The following ACSBG1 variants were observed in gnomAD, a reference collection of about 807,000 sequenced individuals.
ACSBG1 encodes the protein acyl-CoA synthetase bubblegum family member 1.
Under a neutral mutation model 80.2 loss-of-function variants are expected in ACSBG1, and 39 were observed. That is an observed-to-expected ratio of 0.49 (90% CI 0.38 to 0.64). ACSBG1 has a LOEUF of 0.64. Among genes scored for constraint, ACSBG1 ranks in the 30% least tolerant of loss-of-function variants. The pLI is 0.00. For missense variants in ACSBG1, 828 were observed against 966.4 expected, an observed-to-expected ratio of 0.86 and a Z score of 1.90; for synonymous variants, 392 against 379.5, an observed-to-expected ratio of 1.03 and a Z score of -0.38.
At position 78,178,490 on chromosome 15, in the gene ACSBG1, T is replaced by G; in HGVS notation, c.1702+124A>C. 9.6e-7 allele frequency: 1 copy of G among 1,043,736 alleles called. No individual in the cohort carries two copies. Among genetic ancestry groups the G allele is most frequent in the Non-Finnish European group, 1.3e-6 (1 of 745,086 alleles). The allele number at this position is 1,043,736 out of a possible 1,614,324, so 64.7% of individuals were successfully genotyped here. ...ATTTTTCGTGTGTTTTTAGTAGAGA[T>G]GGGGTTTCGCTGTGCTGCCCAGGGT... On this transcript the variant is annotated intron_variant, in intron 11 of 13. Transcript: ENST00000258873. This position sits in a 1 kb window ranked among gnomAD's most constrained non-coding sequence, Gnocchi z 4.3.
At chr15:78,184,667 T>C (rs1269169353) in intron 5 of ACSBG1, among the ~76,000 whole-genome samples, 5 of 152,214 alleles carry the variant, frequency 3.3e-5, no homozygotes. Context: ...GAAATATCAG[T>C]GTGAACTCCT....
chr15:78,220,249 A>T (rs1299737561), intron 1 of ACSBG1, among the ~76,000 whole-genome samples: 1 of 152,264 alleles, frequency 6.6e-6, no homozygotes, highest in African/African-American at 2.4e-5. Context: ...TTGTCTTTTC[A>T]ACAAATAATG....
At chr15:78,226,095 T>C (rs1390736161) in intron 1 of ACSBG1, among the ~76,000 whole-genome samples, 2 of 152,226 alleles carry the variant, frequency 1.3e-5, no homozygotes, top group African/African-American at 4.8e-5. Flanking sequence ...AGACACGGTA[T>C]TTTTGTCGTC....
chr15:78,190,580 A>G (rs536603701), intron 5 of ACSBG1, among the ~76,000 whole-genome samples: 144 of 151,754 alleles, frequency 9.5e-4, no homozygotes, highest in African/African-American at 3.3e-3. Flanking sequence ...TAAAAAAAAA[A>G]AAGAAAAAAG....
intron 5 of ACSBG1, among the ~76,000 whole-genome samples, chr15:78,185,868 G>GA (rs915509428): frequency 1.7e-4 from 26 of 149,270 alleles, no homozygotes; most frequent in South Asian, 6.3e-4. Context: ...AGTGCTGAAA[G>GA]AAAAAAAAAC....
intron 5 of ACSBG1, among the ~76,000 whole-genome samples, chr15:78,188,361 C>A (rs1030025588): frequency 6.6e-6 from 1 of 151,670 alleles, no homozygotes; most frequent in African/African-American, 2.4e-5. Context: ...GAGCCTGCAT[C>A]GCCAAGTCAA....
chr15:78,225,348 C>A (rs920516393), intron 1 of ACSBG1, among the ~76,000 whole-genome samples: 1 of 151,166 alleles, frequency 6.6e-6, no homozygotes, highest in Non-Finnish European at 1.5e-5. Context: ...TTGCAGTGAG[C>A]CGAGATCACG....
At chr15:78,221,273 T>TG (rs895805572) in intron 1 of ACSBG1, among the ~76,000 whole-genome samples, 8 of 151,854 alleles carry the variant, frequency 5.3e-5, no homozygotes, top group African/African-American at 1.9e-4. Context: ...TGCAGCAGAA[T>TG]GGGGTGAACA....
intron 5 of ACSBG1, among the ~76,000 whole-genome samples, chr15:78,183,858 T>C (rs958367094): frequency 1.7e-5 from 2 of 119,516 alleles, no homozygotes; most frequent in African/African-American, 3.4e-5. Flanking sequence ...GCCTGGGCAA[T>C]ATAGTGAGGC....
intron 2 of ACSBG1, among the ~76,000 whole-genome samples, chr15:78,200,755 T>A (rs1412827404): frequency 3.3e-5 from 5 of 152,170 alleles, no homozygotes; most frequent in African/African-American, 9.7e-5. Context: ...TGGGCAGCCA[T>A]GACCTCCAGC....
chr15:78,181,947 C>A, intron 8 of ACSBG1, 22 bp downstream of exon 8: 1 of 1,609,188 alleles, frequency 6.2e-7, no homozygotes, highest in Non-Finnish European at 8.5e-7. Context: ...CTCAGACGGA[C>A]ACACGGTAAA....
chr15:78,197,045 C>A (rs542913211), intron 2 of ACSBG1, among the ~76,000 whole-genome samples: 2 of 150,690 alleles, frequency 1.3e-5, no homozygotes, highest in Admixed American at 1.3e-4. Context: ...GCCTGGACAA[C>A]GGAGTGAGAC....
intron 2 of ACSBG1, among the ~76,000 whole-genome samples, chr15:78,199,242 G>A (rs999271232): frequency 2.0e-5 from 3 of 151,880 alleles, no homozygotes; most frequent in African/African-American, 7.3e-5. Context: ...ACTAAGCCCA[G>A]CTAATTTTTT....
intron 5 of ACSBG1, among the ~76,000 whole-genome samples, chr15:78,183,042 G>C (rs2074965189): frequency 6.6e-6 from 1 of 152,192 alleles, no homozygotes; most frequent in Non-Finnish European, 1.5e-5. Flanking sequence ...GCTGGGGCTT[G>C]GTTGAACAAA....
intron 4 of ACSBG1, 142 bp downstream of exon 4, chr15:78,193,790 A>T: frequency 7.1e-7 from 1 of 1,415,858 alleles, no homozygotes; most frequent in South Asian, 1.4e-5. Context: ...AGGGCGCCAG[A>T]TGCAGGTCCA....
chr15:78,203,636 G>A (rs1595893987), intron 2 of ACSBG1, among the ~76,000 whole-genome samples: 1 of 152,328 alleles, frequency 6.6e-6, no homozygotes, highest in African/African-American at 2.4e-5. Context: ...GTTCTCTGGG[G>A]TTCTGGAATA....
intron 2 of ACSBG1, among the ~76,000 whole-genome samples, chr15:78,201,829 T>C (rs1198793477): frequency 2.0e-5 from 3 of 152,208 alleles, no homozygotes; most frequent in Non-Finnish European, 4.4e-5. Context: ...CCCACAGCTG[T>C]TGAGCCTTGG....
intron 1 of ACSBG1, among the ~76,000 whole-genome samples, chr15:78,226,802 A>AT (rs1555434840): frequency 1.4e-5 from 2 of 141,342 alleles, no homozygotes; most frequent in African/African-American, 5.2e-5. Context: ...ATATATATAT[A>AT]ATATATATAT....
At chr15:78,193,441 G>A (rs1036623860) in intron 5 of ACSBG1, 65 bp downstream of exon 5, 1 of 1,552,232 alleles carries the variant, frequency 6.4e-7, no homozygotes, top group Non-Finnish European at 8.7e-7. Flanking sequence ...TTCCGTGTGA[G>A]TTGGAGTGGA....
Sources: gnomAD v4.1 joint callset for allele counts (sites outside exome capture counted in the v4.1 genomes callset) on GRCh38, gnomAD v4.1.1 for gene constraint, Gnocchi (gnomAD v3.1) non-coding constraint, MANE v1.5 for transcripts, NCBI Gene and HGNC (gene_info 2026-07-23, HGNC 2026-07-21) for gene names.